The following FAM120A variants were observed in gnomAD, a reference collection of about 807,000 sequenced individuals.
The protein encoded by FAM120A is constitutive coactivator of PPAR-gamma-like protein 1.
In FAM120A, 15 loss-of-function variants were observed where a neutral mutation model predicts 109.7. The observed-to-expected ratio is 0.14, with a 90% confidence interval of 0.09 to 0.21. The LOEUF (loss-of-function observed/expected upper bound fraction) is 0.21, where lower values mean the gene tolerates loss of function less well. FAM120A is among the 10% of genes least tolerant of loss of function. The pLI is 1.00. For missense variants in FAM120A, 899 were observed against 1,439.3 expected (o/e 0.62, Z 6.07); for synonymous variants, 493 against 572.8 (o/e 0.86, Z 1.99).
chr9:93,519,926 A>G (rs1860771325), intron 7 of FAM120A, among the ~76,000 whole-genome samples: 1 of 152,050 alleles, frequency 6.6e-6, no homozygotes, highest in Non-Finnish European at 1.5e-5. Context: ...CCCAGGCTGG[A>G]GTGCAGTGGG....
chr9:93,454,259 T>A (rs1857445580), intron 1 of FAM120A, among the ~76,000 whole-genome samples: 4 of 152,238 alleles, frequency 2.6e-5, no homozygotes, highest in African/African-American at 9.6e-5. Context: ...CATATTATAG[T>A]GCGAATTGCA....
intron 1 of FAM120A, among the ~76,000 whole-genome samples, chr9:93,460,547 G>T (rs1857747460): frequency 6.6e-6 from 1 of 152,154 alleles, no homozygotes; most frequent in Non-Finnish European, 1.5e-5. Flanking sequence ...ATGTTGGCCA[G>T]GCTGGTCTCG....
At chr9:93,518,024 A>G (rs767229132) in intron 7 of FAM120A, among the ~76,000 whole-genome samples, 1 of 151,962 alleles carries the variant, frequency 6.6e-6, no homozygotes, top group Non-Finnish European at 1.5e-5. Context: ...TTTTCTGGAG[A>G]TGCATCTTGT....
chr9:93,562,917 G>A (rs1486201412), intron 17 of FAM120A, among the ~76,000 whole-genome samples: 2 of 152,056 alleles, frequency 1.3e-5, no homozygotes, highest in Admixed American at 6.5e-5. Flanking sequence ...CGCCCGCCTT[G>A]GCCTCCCAAA....
chr9:93,542,881 A>G (rs1483195664), intron 10 of FAM120A, among the ~76,000 whole-genome samples: 4 of 152,280 alleles, frequency 2.6e-5, no homozygotes, highest in African/African-American at 9.6e-5. Context: ...TTACACTGTT[A>G]TAACTAAAAC....
intron 7 of FAM120A, among the ~76,000 whole-genome samples, chr9:93,524,584 C>T (rs552410980): frequency 6.6e-6 from 1 of 152,196 alleles, no homozygotes; most frequent in Non-Finnish European, 1.5e-5. Flanking sequence ...CCAGAGTCAC[C>T]CTTTCTGTTG....
chr9:93,510,975 G>A (rs948990798), intron 5 of FAM120A, among the ~76,000 whole-genome samples: 1 of 151,796 alleles, frequency 6.6e-6, no homozygotes, highest in African/African-American at 2.4e-5. Context: ...AGTGAGGAAT[G>A]TTTATAGAAG....
intron 1 of FAM120A, among the ~76,000 whole-genome samples, chr9:93,455,698 T>G (rs1410039632): frequency 6.6e-6 from 1 of 152,032 alleles, no homozygotes; most frequent in Non-Finnish European, 1.5e-5. Flanking sequence ...AGTCTCACTC[T>G]GTCTCTCAGG....
intron 11 of FAM120A, among the ~76,000 whole-genome samples, chr9:93,546,077 C>T (rs1010675144): frequency 6.6e-6 from 1 of 152,026 alleles, no homozygotes; most frequent in Non-Finnish European, 1.5e-5. Flanking sequence ...TGAGCCACCG[C>T]ACCTGGCCAA....
At chr9:93,540,856 T>C (rs890898973) in intron 10 of FAM120A, among the ~76,000 whole-genome samples, 7 of 152,206 alleles carry the variant, frequency 4.6e-5, no homozygotes, top group Non-Finnish European at 8.8e-5. Context: ...CAATAATTTT[T>C]TTTTATAGAA....
chr9:93,545,384 T>C (rs1457295619), intron 11 of FAM120A, among the ~76,000 whole-genome samples: 1 of 152,258 alleles, frequency 6.6e-6, no homozygotes, highest in Non-Finnish European at 1.5e-5. Context: ...CCTGTGTTCA[T>C]AGGGTACGGT....
At chr9:93,535,824 C>G (rs1861493927) in intron 10 of FAM120A, among the ~76,000 whole-genome samples, 1 of 152,232 alleles carries the variant, frequency 6.6e-6, no homozygotes, top group African/African-American at 2.4e-5. Context: ...ATGCTCTCAA[C>G]TTGCTCAAAA....
chr9:93,537,488 A>G (rs934010567), intron 10 of FAM120A, among the ~76,000 whole-genome samples: 2 of 152,192 alleles, frequency 1.3e-5, no homozygotes, highest in African/African-American at 4.8e-5. Flanking sequence ...AGTCTTCCCT[A>G]ATACCTCAAA....
intron 9 of FAM120A, chr9:93,531,087 T>C (rs746001059): frequency 6.6e-6 from 1 of 152,266 alleles, no homozygotes; most frequent in Non-Finnish European, 1.5e-5. Context: ...ATGGCTCTGG[T>C]ATTAATTGCC....
At chr9:93,515,396 C>G (rs1280522038) in intron 5 of FAM120A, among the ~76,000 whole-genome samples, 1 of 152,012 alleles carries the variant, frequency 6.6e-6, no homozygotes, top group Non-Finnish European at 1.5e-5. Flanking sequence ...AGGAAGTACA[C>G]GAGAGCAGAA....
chr9:93,494,826 C>T (rs1319222218), intron 3 of FAM120A, among the ~76,000 whole-genome samples: 1 of 152,098 alleles, frequency 6.6e-6, no homozygotes, highest in Non-Finnish European at 1.5e-5. Context: ...TTGGAGTGAT[C>T]GAGGACTGGC....
chr9:93,523,142 A>G (rs534911552), intron 7 of FAM120A: 3 of 333,796 alleles, frequency 9.0e-6, no homozygotes, highest in Non-Finnish European at 1.7e-5. Context: ...AGAAAATCAG[A>G]ACACTGATGT....
chr9:93,474,958 C>T (rs1193559318), intron 2 of FAM120A, among the ~76,000 whole-genome samples: 2 of 152,198 alleles, frequency 1.3e-5, no homozygotes, highest in Non-Finnish European at 2.9e-5. Flanking sequence ...ATCAAGCCAG[C>T]AAACCTGAGC....
In FAM120A at chr9:93,452,501, C is replaced by T. The variant is rs927012067; in HGVS notation, c.474+112C>T. On this transcript the variant is annotated intron_variant, in intron 1 of 17. Coordinates refer to ENST00000277165, the MANE Select transcript of FAM120A (RefSeq NM_014612.5). This position sits in a 1 kb window ranked among gnomAD's most constrained non-coding sequence, Gnocchi z 7.0. Reference sequence around the variant, plus strand: ...GTGGCGGCGCTGGGGGCAGCGAGTTCCCCCAGCCCTTGCCCGGGATAGCCT... The same window carrying T: ...GTGGCGGCGCTGGGGGCAGCGAGTTTCCCCAGCCCTTGCCCGGGATAGCCT... 1.3e-6 allele frequency: 2 copies of T among 1,547,156 alleles called. No individual in the cohort carries two copies. The highest frequency in any genetic ancestry group is 8.7e-7 in the Non-Finnish European group (1 of 1,151,446).
Sources: allele counts gnomAD v4.1 joint callset (sites outside exome capture counted in the v4.1 genomes callset), GRCh38; gene constraint gnomAD v4.1.1; non-coding constraint Gnocchi (gnomAD v3.1); transcripts MANE v1.5; gene names NCBI Gene and HGNC (gene_info 2026-07-23, HGNC 2026-07-21).